Variants in TENM3 observed in about 807,000 individuals in gnomAD.
TENM3 encodes teneurin-3.
A neutral mutation model predicts 255.1 loss-of-function variants in TENM3; 63 were observed. The observed-to-expected ratio is 0.25, with a 90% CI of 0.20 to 0.30. The LOEUF (loss-of-function observed/expected upper bound fraction) is 0.30. TENM3 is among the 10% of genes least tolerant of loss of function. The pLI, the probability that TENM3 is intolerant of heterozygous loss-of-function variation, is 1.00. For synonymous variants in TENM3, 1,306 were observed against 1,322.3 expected, an observed-to-expected ratio of 0.99 and a Z score of 0.27; for missense variants, 2,929 against 3,461.1, an observed-to-expected ratio of 0.85 and a Z score of 3.86.
the TENM3 span, among the ~76,000 whole-genome samples, chr4:181,785,732 C>A: frequency 4.6e-5 from 7 of 151,796 alleles, no homozygotes; most frequent in African/African-American, 7.3e-5. Flanking sequence ...AAATGAAATC[C>A]GACACACCTG....
At chr4:181,687,822 A>G in the TENM3 span, among the ~76,000 whole-genome samples, 1 of 152,176 alleles carries the variant, frequency 6.6e-6, no homozygotes, top group Non-Finnish European at 1.5e-5. Context: ...ACATTAGGCT[A>G]ACTGCTCCAA....
At chr4:182,175,314 A>ATATATAT (rs1554026205) in intron 1 of TENM3, among the ~76,000 whole-genome samples, 113 of 117,548 alleles carry the variant, frequency 9.6e-4, no homozygotes, top group African/African-American at 3.2e-3. Flanking sequence ...AAAAAAAAAA[A>ATATATAT]ATATATATAT....
intron 3 of TENM3, among the ~76,000 whole-genome samples, chr4:182,420,035 G>A (rs1770705868): frequency 6.6e-6 from 1 of 151,386 alleles, no homozygotes; most frequent in African/African-American, 2.4e-5. Context: ...ATAATAAAAA[G>A]AAATACTGTT....
At chr4:181,865,810 T>C in the TENM3 span, among the ~76,000 whole-genome samples, 2 of 152,138 alleles carry the variant, frequency 1.3e-5, 1 homozygote, top group African/African-American at 4.8e-5. Flanking sequence ...TTATGATTCT[T>C]ATCAAAATCC....
At chr4:182,548,256 T>A (rs1201055232) in intron 3 of TENM3, among the ~76,000 whole-genome samples, 1 of 152,004 alleles carries the variant, frequency 6.6e-6, no homozygotes. Flanking sequence ...TCATCTCTGA[T>A]CAGAATAGAA....
the TENM3 span, among the ~76,000 whole-genome samples, chr4:181,516,473 C>T: frequency 2.0e-5 from 3 of 151,840 alleles, no homozygotes; most frequent in Non-Finnish European, 1.5e-5. Context: ...ATACTTAGTC[C>T]CAGGCCCCAA....
intron 1 of TENM3, among the ~76,000 whole-genome samples, chr4:182,253,699 T>C (rs1758191362): frequency 6.6e-6 from 1 of 152,192 alleles, no homozygotes. Context: ...AAAATAAAGA[T>C]ATATTATCTT....
At chr4:181,553,233 C>T in the TENM3 span, among the ~76,000 whole-genome samples, 2 of 148,594 alleles carry the variant, frequency 1.3e-5, no homozygotes, top group East Asian at 4.0e-4. Flanking sequence ...CTTTACCTGG[C>T]AAGTCAGGTC....
At chr4:182,054,140 C>T in the TENM3 span, among the ~76,000 whole-genome samples, 11 of 152,314 alleles carry the variant, frequency 7.2e-5, no homozygotes, top group African/African-American at 2.4e-4. Context: ...TCCATGTGCT[C>T]CAGCCAGCCT....
chr4:181,892,405 C>A, the TENM3 span, among the ~76,000 whole-genome samples: 1 of 152,116 alleles, frequency 6.6e-6, no homozygotes, highest in African/African-American at 2.4e-5. Flanking sequence ...CTGAGTGTCA[C>A]CATTTTATTT....
intron 5 of TENM3, among the ~76,000 whole-genome samples, chr4:182,635,890 A>G (rs1751802632): frequency 6.6e-6 from 1 of 152,206 alleles, no homozygotes; most frequent in Non-Finnish European, 1.5e-5. Flanking sequence ...GGTAGTAGCT[A>G]TATATGTGCA....
At chr4:182,125,915 G>A in the TENM3 span, among the ~76,000 whole-genome samples, 2 of 152,080 alleles carry the variant, frequency 1.3e-5, no homozygotes, top group South Asian at 2.1e-4. Flanking sequence ...ATTTGAAAGC[G>A]TATGTCTAAA....
chr4:182,364,642 ACCT>A (rs762757362), intron 3 of TENM3, among the ~76,000 whole-genome samples: 2 of 151,884 alleles, frequency 1.3e-5, no homozygotes, highest in Non-Finnish European at 2.9e-5. Context: ...GATGGTCTCA[ACCT>A]CCTGACCTCG....
the TENM3 span, among the ~76,000 whole-genome samples, chr4:181,694,551 A>G: frequency 6.6e-6 from 1 of 152,230 alleles, no homozygotes; most frequent in Admixed American, 6.5e-5. Context: ...TCTCTGAACT[A>G]CAGTGCACTT....
intron 5 of TENM3, among the ~76,000 whole-genome samples, chr4:182,629,359 C>A (rs1253390603): frequency 3.3e-5 from 5 of 152,232 alleles, no homozygotes; most frequent in Admixed American, 3.3e-4. Context: ...GGAACACTCT[C>A]CAGAGAACTG....
intron 22 of TENM3, among the ~76,000 whole-genome samples, chr4:182,772,774 A>C (rs1241885704): frequency 6.6e-6 from 1 of 152,198 alleles, no homozygotes; most frequent in African/African-American, 2.4e-5. Flanking sequence ...AAAAAAAACA[A>C]ATAATCATTA....
chr4:182,443,658 C>G (rs1294945345), intron 3 of TENM3, among the ~76,000 whole-genome samples: 1 of 152,178 alleles, frequency 6.6e-6, no homozygotes, highest in Non-Finnish European at 1.5e-5. Flanking sequence ...AGGACTGAAG[C>G]TCACTAAGCC....
At chr4:181,455,777 A>G in the TENM3 span, among the ~76,000 whole-genome samples, 2 of 152,012 alleles carry the variant, frequency 1.3e-5, no homozygotes, top group African/African-American at 4.8e-5. Context: ...AAGAGGCTCA[A>G]GATTCTGAAA....
intron 3 of TENM3, among the ~76,000 whole-genome samples, chr4:182,456,774 GA>G (rs1261992799): frequency 2.0e-5 from 3 of 152,168 alleles, no homozygotes; most frequent in African/African-American, 7.2e-5. Context: ...AGGAATGTTG[GA>G]AGGACTGACA....
Sources: allele counts gnomAD v4.1 joint callset (sites outside exome capture counted in the v4.1 genomes callset), GRCh38; gene constraint gnomAD v4.1.1; transcripts MANE v1.5; gene names NCBI Gene and HGNC (gene_info 2026-07-23, HGNC 2026-07-21).